TMEM232: variants seen among roughly 807,000 people sequenced by gnomAD.
The protein encoded by TMEM232 is transmembrane protein 232.
Under a neutral mutation model 78.8 loss-of-function variants are expected in TMEM232, and 80 were observed. The observed-to-expected ratio is 1.01, with a 90% CI of 0.85 to 1.22. TMEM232 has a LOEUF of 1.22. Among genes scored for constraint, TMEM232 ranks in the 50% most tolerant of loss-of-function variants. The probability of loss-of-function intolerance (pLI) is 0.00; values close to 1 mark genes in which losing one functional copy is unlikely to be tolerated. For missense variants in TMEM232, 881 were observed against 742.2 expected (o/e 1.19, Z -2.17); for synonymous variants, 297 against 254.3 (o/e 1.17, Z -1.60).
At chr5:110,444,312 C>T (rs993424225) in intron 12 of TMEM232, among the ~76,000 whole-genome samples, 2 of 152,210 alleles carry the variant, frequency 1.3e-5, no homozygotes, top group African/African-American at 2.4e-5. Context: ...CCTGTGTGGG[C>T]GCTGGCTGAG....
At chr5:110,609,647 T>G (rs1781945177) in intron 8 of TMEM232, among the ~76,000 whole-genome samples, 1 of 152,016 alleles carries the variant, frequency 6.6e-6, no homozygotes, top group Non-Finnish European at 1.5e-5. Context: ...AGAAGTGCAT[T>G]TTTTCCTCAC....
intron 2 of TMEM232, among the ~76,000 whole-genome samples, chr5:110,664,842 ACCT>A (rs1790340837): frequency 6.6e-6 from 1 of 152,044 alleles, no homozygotes; most frequent in Non-Finnish European, 1.5e-5. Flanking sequence ...ATGCCCAATT[ACCT>A]CCCAAAGGCC....
At chr5:110,591,241 T>A (rs1779491168) in intron 10 of TMEM232, among the ~76,000 whole-genome samples, 1 of 152,110 alleles carries the variant, frequency 6.6e-6, no homozygotes, top group Non-Finnish European at 1.5e-5. Flanking sequence ...GTGGATCACT[T>A]ACCGCCAGGA....
chr5:110,496,052 G>T (rs191169324), intron 12 of TMEM232, among the ~76,000 whole-genome samples: 97 of 151,334 alleles, frequency 6.4e-4, no homozygotes, highest in African/African-American at 2.2e-3. Flanking sequence ...GTAATTTCTT[G>T]GGAAAATTGC....
chr5:110,499,448 G>T (rs1765982957), intron 12 of TMEM232, among the ~76,000 whole-genome samples: 1 of 152,040 alleles, frequency 6.6e-6, no homozygotes, highest in Non-Finnish European at 1.5e-5. Context: ...GTAGAGACAG[G>T]TTCTTGCTAT....
At chr5:110,487,850 T>A (rs963503067) in intron 12 of TMEM232, among the ~76,000 whole-genome samples, 1 of 152,068 alleles carries the variant, frequency 6.6e-6, no homozygotes, top group Non-Finnish European at 1.5e-5. Flanking sequence ...TCTTTCTCTA[T>A]CTTGTGGAAT....
At chr5:110,609,504 A>G (rs139361306) in intron 8 of TMEM232, among the ~76,000 whole-genome samples, 1 of 152,094 alleles carries the variant, frequency 6.6e-6, no homozygotes, top group East Asian at 1.9e-4. Flanking sequence ...TGAGAGTATT[A>G]TTTGAGTTCA....
At chr5:110,413,048 C>G (rs943253495) in intron 2 of TMEM232, among the ~76,000 whole-genome samples, 3 of 152,032 alleles carry the variant, frequency 2.0e-5, no homozygotes, top group African/African-American at 4.8e-5. Context: ...AAGGATGCAA[C>G]GTATTGTTCC....
chr5:110,664,745 AGAG>A (rs1790320044), intron 2 of TMEM232, among the ~76,000 whole-genome samples: 1 of 152,186 alleles, frequency 6.6e-6, no homozygotes, highest in Non-Finnish European at 1.5e-5. Flanking sequence ...ATCCTCACAC[AGAG>A]GAGAGACTAA....
chr5:110,639,451 G>A (rs1420856850), intron 4 of TMEM232, among the ~76,000 whole-genome samples: 1 of 152,106 alleles, frequency 6.6e-6, no homozygotes, highest in African/African-American at 2.4e-5. Context: ...AGGTTCCAGG[G>A]ACAGCTAAGA....
chr5:110,583,966 C>CAAAAAAAA (rs60079206), intron 10 of TMEM232, among the ~76,000 whole-genome samples: 7 of 99,084 alleles, frequency 7.1e-5, no homozygotes, highest in East Asian at 2.6e-4. Context: ...TATCTATTAT[C>CAAAAAAAA]AAAAAAAAAA....
rs202105348 is a variant in TMEM232 at position 110,478,380 on chromosome 5, ACT to A, written c.1703+50206_1703+50207del. The stretch of plus-strand genomic sequence containing the variant: ...ATCACTGTCCTCAGCAGTTTTCCAC[ACT>A]CTAAATACTAAGGATTTGCCTATGC... On this transcript the variant is annotated intron_variant, in intron 12 of 13. Coordinates refer to ENST00000455884, the MANE Select transcript of TMEM232 (RefSeq NM_001039763.4). 1.3e-3 allele frequency among the ~76,000 whole-genome samples: 202 copies of A among 152,034 alleles called. 3 individuals carry two copies. The highest frequency in any genetic ancestry group is 4.4e-3 in the African/African-American group (181 of 41,564).
chr5:110,646,939 G>GT (rs887249203), intron 2 of TMEM232, among the ~76,000 whole-genome samples: 10 of 150,246 alleles, frequency 6.7e-5, no homozygotes, highest in African/African-American at 1.2e-4. Context: ...AAAAGGTTTT[G>GT]TTTTTTTTTC....
At chr5:110,558,485 G>A (rs1455693545) in intron 11 of TMEM232, among the ~76,000 whole-genome samples, 1 of 152,116 alleles carries the variant, frequency 6.6e-6, no homozygotes, top group African/African-American at 2.4e-5. Context: ...AGGCAAAGGA[G>A]CTATGGTGGT....
At chr5:110,655,571 A>C (rs1788923835) in intron 2 of TMEM232, among the ~76,000 whole-genome samples, 1 of 142,978 alleles carries the variant, frequency 7.0e-6, no homozygotes, top group Non-Finnish European at 1.5e-5. Flanking sequence ...TACCCAAAGG[A>C]CCATAAATCA....
intron 2 of TMEM232, among the ~76,000 whole-genome samples, chr5:110,405,639 T>G (rs1212478921): frequency 6.6e-6 from 1 of 151,092 alleles, no homozygotes; most frequent in African/African-American, 2.4e-5. Context: ...AAATAAAAAT[T>G]TGTTGAATGG....
chr5:110,575,074 G>C (rs1359478930), intron 10 of TMEM232, among the ~76,000 whole-genome samples: 3 of 151,826 alleles, frequency 2.0e-5, no homozygotes, highest in Admixed American at 2.0e-4. Context: ...GAAAAATTAG[G>C]AATATACTTT....
At chr5:110,539,898 T>C (rs954366346) in intron 11 of TMEM232, among the ~76,000 whole-genome samples, 7 of 152,076 alleles carry the variant, frequency 4.6e-5, no homozygotes, top group Admixed American at 2.6e-4. Flanking sequence ...GTGCAAGCCA[T>C]ATGTGGTTTG....
At chr5:110,507,585 C>G (rs992789717) in intron 12 of TMEM232, among the ~76,000 whole-genome samples, 2 of 152,128 alleles carry the variant, frequency 1.3e-5, no homozygotes, top group African/African-American at 2.4e-5. Context: ...AGTTAATTGC[C>G]CCTCCTAAGC....
Sources: gnomAD v4.1 joint callset for allele counts (sites outside exome capture counted in the v4.1 genomes callset) on GRCh38, gnomAD v4.1.1 for gene constraint, MANE v1.5 for transcripts, NCBI Gene and HGNC (gene_info 2026-07-23, HGNC 2026-07-21) for gene names.